Variants in MTOR observed in about 807,000 individuals in gnomAD.
MTOR encodes the protein serine/threonine-protein kinase mTOR.
MTOR carries 70 observed loss-of-function variants against 319.8 expected under a neutral mutation model. That is an observed-to-expected ratio of 0.22 (90% confidence interval 0.18 to 0.27). The LOEUF (loss-of-function observed/expected upper bound fraction) is 0.27, where lower values mean the gene tolerates loss of function less well. Among genes scored for constraint, MTOR ranks in the 10% least tolerant of loss-of-function variants. The probability of loss-of-function intolerance (pLI) is 1.00; values close to 1 mark genes in which losing one functional copy is unlikely to be tolerated. For missense variants in MTOR, 1,890 were observed against 3,274.4 expected (o/e 0.58, Z 10.32); for synonymous variants, 1,183 against 1,211.4 (o/e 0.98, Z 0.49).
At chr1:11,190,487 G>A (rs1227121814) in intron 28 of MTOR, among the ~76,000 whole-genome samples, 2 of 152,176 alleles carry the variant, frequency 1.3e-5, no homozygotes, top group Non-Finnish European at 2.9e-5. Context: ...ACATAACCAT[G>A]TGAAGAGTCC....
At chr1:11,167,367 T>G in intron 29 of MTOR, 75 bp downstream of exon 29, 3 of 1,160,090 alleles carry the variant, frequency 2.6e-6, no homozygotes, top group Non-Finnish European at 3.9e-6. Context: ...GAAAGTAACT[T>G]TCTGAAGGTC....
rs1643281621 is a variant in MTOR, at chr1:11,133,953, T to TGTGGTGGCAC, written c.5246+388_5246+397dup. Among the ~76,000 whole-genome samples the TGTGGTGGCAC allele has an allele frequency of 6.6e-6, 1 of 151,768 alleles. No individual in the cohort carries two copies. Among genetic ancestry groups the TGTGGTGGCAC allele is most frequent in the Admixed American group, 6.6e-5 (1 of 15,236 alleles). On this transcript the variant is annotated intron_variant, in intron 37 of 57. Coordinates refer to ENST00000361445, the MANE Select transcript of MTOR (RefSeq NM_004958.4). The surrounding 1 kb of genome is among the most constrained non-coding windows in gnomAD (Gnocchi z 4.0). ...CTCATTTCTACAAAAAACTAGCCAG[T>TGTGGTGGCAC]GTGGTGGCACGTGCCTATAGCTACT...
chr1:11,147,249 G>T (rs555141108), intron 31 of MTOR, among the ~76,000 whole-genome samples: 28 of 152,258 alleles, frequency 1.8e-4, no homozygotes, highest in Non-Finnish European at 3.7e-4. Context: ...GATGATAGGG[G>T]ACAGGATTAG....
intron 46 of MTOR, among the ~76,000 whole-genome samples, chr1:11,125,799 T>C (rs2100390824): frequency 6.8e-6 from 1 of 147,764 alleles, no homozygotes; most frequent in East Asian, 2.0e-4. Context: ...CCCAGCACTT[T>C]GGAAGGCTGA....
chr1:11,240,809 C>G (rs774957938), intron 10 of MTOR, among the ~76,000 whole-genome samples: 1 of 152,188 alleles, frequency 6.6e-6, no homozygotes, highest in Non-Finnish European at 1.5e-5. Flanking sequence ...TCAACAAACA[C>G]TCTGGGAAGC....
At position 11,240,553 on chromosome 1, in the gene MTOR, G is replaced by A. The variant is rs376630475; in HGVS notation, c.1542-6C>T. ...GCACTGCAGTGAGGGCAGGGCTGAG[G>A]GGAAGGAAACAAGTCACATAAGGGC... On this transcript the variant is annotated splice_polypyrimidine_tract_variant and splice_region_variant and intron_variant, in intron 10 of 57. Transcript: ENST00000361445. 1.5e-5 allele frequency: 24 copies of A among 1,612,990 alleles called. No homozygotes were observed. Among genetic ancestry groups the A allele is most frequent in the African/African-American group, 1.5e-4 (11 of 74,914 alleles).
intron 47 of MTOR, among the ~76,000 whole-genome samples, chr1:11,124,150 G>A (rs577470967): frequency 2.0e-5 from 3 of 151,944 alleles, no homozygotes; most frequent in African/African-American, 7.2e-5. Flanking sequence ...GGCTGGTCTT[G>A]AATTCCTGGG....
At chr1:11,166,348 C>A (rs1644642918) in intron 29 of MTOR, among the ~76,000 whole-genome samples, 1 of 152,174 alleles carries the variant, frequency 6.6e-6, no homozygotes, top group African/African-American at 2.4e-5. Flanking sequence ...ATCTACCCAT[C>A]TAACAAAGGG....
rs193295896 is a variant in MTOR, at chr1:11,232,759, C to T, written c.2422-231G>A. 2.2e-4 allele frequency among the ~76,000 whole-genome samples: 34 copies of T among 152,188 alleles called. 1 individual carries two copies. The highest frequency in any genetic ancestry group is 7.2e-4 in the African/African-American group (30 of 41,514). ...GTGTGGTGGCACACACCTGTAATCCCGGCTACTTGGGAGGGTGAGGCACGA... is the reference window on the plus strand; with the variant it reads ...GTGTGGTGGCACACACCTGTAATCCTGGCTACTTGGGAGGGTGAGGCACGA... On this transcript the variant is annotated intron_variant, in intron 15 of 57. Coordinates refer to ENST00000361445, the MANE Select transcript of MTOR (RefSeq NM_004958.4).
chr1:11,124,381 C>T, intron 47 of MTOR, 117 bp downstream of exon 47: 1 of 1,352,928 alleles, frequency 7.4e-7, no homozygotes, highest in Non-Finnish European at 1.0e-6. Flanking sequence ...AGTTACCATG[C>T]CTGGCTCCCT....
intron 19 of MTOR, among the ~76,000 whole-genome samples, chr1:11,219,283 T>C (rs1220892382): frequency 2.7e-5 from 4 of 149,424 alleles, no homozygotes; most frequent in African/African-American, 9.9e-5. Flanking sequence ...TTAAGAGAAA[T>C]GGTGAGTTAA....
Position 11,144,692 on chromosome 1 carries a change from C to T in MTOR, c.4828G>A (p.Glu1610Lys), listed in dbSNP as rs199612643. Residue 1610 changes from glutamate (E) to lysine (K), a missense_variant, in exon 34 of 58, where the codon GAG becomes AAG. Physicochemically the swap from Glu to Lys is moderately conservative, Grantham distance 56. This residue lies in a region of MTOR where 276 missense variants were observed against 459.4 expected (regional missense o/e 0.60). Transcript: ENST00000361445. ...EEVIQYKLVP[E>K]RREIIRQIWW... ...ATCTGGCGGATGATCTCTCGTCGCT[C>T]GGGGACAAGTTTGTACTGGATAACC... The T allele has an allele frequency of 1.2e-4, 198 of 1,613,912 alleles. No individual in the cohort carries two copies. The highest frequency in any genetic ancestry group is 1.6e-4 in the Non-Finnish European group (186 of 1,180,030).
intron 54 of MTOR, among the ~76,000 whole-genome samples, chr1:11,110,744 A>T (rs1305323145): frequency 1.3e-5 from 2 of 151,424 alleles, no homozygotes; most frequent in Non-Finnish European, 2.9e-5. Context: ...TTTTTTTGAG[A>T]CAGGGTCTTG....
chr1:11,191,357 C>T (rs1645523902), intron 28 of MTOR, among the ~76,000 whole-genome samples: 1 of 152,170 alleles, frequency 6.6e-6, no homozygotes, highest in Non-Finnish European at 1.5e-5. Flanking sequence ...GGCGAAGGCA[C>T]ACGTACTCTA....
intron 19 of MTOR, among the ~76,000 whole-genome samples, chr1:11,224,083 T>TAAAAG (rs539349195): frequency 1.3e-5 from 2 of 150,004 alleles, no homozygotes; most frequent in South Asian, 4.2e-4. Flanking sequence ...TAAAATAAAA[T>TAAAAG]AAATAGGCCA....
chr1:11,245,123 T>C (rs1167290450), intron 8 of MTOR, among the ~76,000 whole-genome samples: 1 of 152,234 alleles, frequency 6.6e-6, no homozygotes, highest in Non-Finnish European at 1.5e-5. Flanking sequence ...AGATTTAGTC[T>C]ATAATTTGGA....
intron 30 of MTOR, among the ~76,000 whole-genome samples, chr1:11,151,313 C>A (rs1237609890): frequency 6.6e-6 from 1 of 152,148 alleles, no homozygotes; most frequent in African/African-American, 2.4e-5. Context: ...AAACCAGGGA[C>A]ACAAGCACTC....
intron 54 of MTOR, chr1:11,111,887 A>G (rs1189980506): frequency 2.0e-5 from 3 of 152,100 alleles, no homozygotes; most frequent in African/African-American, 7.2e-5. Flanking sequence ...AAATGTCACG[A>G]AGGAAAAAAG....
At chr1:11,138,264 G>C (rs528999794) in intron 36 of MTOR, among the ~76,000 whole-genome samples, 1 of 152,284 alleles carries the variant, frequency 6.6e-6, no homozygotes, top group East Asian at 1.9e-4. Context: ...CTTTGAATCA[G>C]AAATGCTCTG....
Sources: allele counts gnomAD v4.1 joint callset (sites outside exome capture counted in the v4.1 genomes callset), GRCh38; gene constraint gnomAD v4.1.1; regional missense constraint gnomAD v4.1.1; non-coding constraint Gnocchi (gnomAD v3.1); transcripts MANE v1.5; gene names NCBI Gene and HGNC (gene_info 2026-07-23, HGNC 2026-07-21).